Variants in SH3GL3 observed in about 807,000 individuals in gnomAD.
SH3GL3 encodes the protein SH3 domain containing GRB2 like 3, endophilin A3.
SH3GL3 carries 33 observed loss-of-function variants against 47.7 expected under a neutral mutation model. The ratio of observed to expected loss-of-function variants is 0.69; its 90% CI spans 0.52 to 0.92. The LOEUF (loss-of-function observed/expected upper bound fraction) is 0.92. Among genes scored for constraint, SH3GL3 ranks in the 40% least tolerant of loss-of-function variants. The pLI is 0.00. For synonymous variants in SH3GL3, 155 were observed against 148.8 expected, an observed-to-expected ratio of 1.04 and a Z score of -0.30; for missense variants, 363 against 417.8, an observed-to-expected ratio of 0.87 and a Z score of 1.14.
downstream of SH3GL3, among the ~76,000 whole-genome samples, chr15:83,622,594 C>A (rs1309740415): frequency 6.6e-6 from 1 of 152,314 alleles, no homozygotes; most frequent in Non-Finnish European, 1.5e-5. Flanking sequence ...CAGATAGCTG[C>A]CAAGGAGGAG....
intron 1 of SH3GL3, among the ~76,000 whole-genome samples, chr15:83,505,945 G>A (rs1250356884): frequency 1.3e-5 from 2 of 152,040 alleles, no homozygotes; most frequent in Non-Finnish European, 2.9e-5. Context: ...GCCCTTTGTT[G>A]TTATATGCTA....
intron 1 of SH3GL3, among the ~76,000 whole-genome samples, chr15:83,486,610 A>G (rs774911784): frequency 1.3e-5 from 2 of 152,194 alleles, no homozygotes; most frequent in Non-Finnish European, 2.9e-5. Context: ...ATTCCATTGT[A>G]TAAATATACC....
chr15:83,506,460 AGTT>A (rs1355709124), intron 1 of SH3GL3, among the ~76,000 whole-genome samples: 2 of 152,078 alleles, frequency 1.3e-5, no homozygotes, highest in Non-Finnish European at 1.5e-5. Context: ...ACCTACTTGT[AGTT>A]GTTGTGCTCT....
At chr15:83,465,241 C>T (rs2040517101) in intron 1 of SH3GL3, among the ~76,000 whole-genome samples, 1 of 151,804 alleles carries the variant, frequency 6.6e-6, no homozygotes, top group Non-Finnish European at 1.5e-5. Context: ...ACCCAGGAGG[C>T]AGAGGTTGCA....
intron 8 of SH3GL3, among the ~76,000 whole-genome samples, chr15:83,601,647 C>T (rs1468779393): frequency 6.6e-6 from 1 of 151,968 alleles, no homozygotes; most frequent in Non-Finnish European, 1.5e-5. Flanking sequence ...GGATATTGGT[C>T]TGTAGTTTTC....
At chr15:83,602,231 A>G in intron 8 of SH3GL3, among the ~76,000 whole-genome samples, 1 of 152,206 alleles carries the variant, frequency 6.6e-6, no homozygotes, top group East Asian at 1.9e-4. Flanking sequence ...ATGAGCGCTC[A>G]AACAGCCACA....
chr15:83,449,557 G>A (rs569343878), intron 1 of SH3GL3, among the ~76,000 whole-genome samples: 2 of 152,344 alleles, frequency 1.3e-5, no homozygotes, highest in South Asian at 4.1e-4. Context: ...AAGCCCTTGG[G>A]TGATTTAAGT....
intron 1 of SH3GL3, among the ~76,000 whole-genome samples, chr15:83,463,878 C>T (rs2040436630): frequency 2.0e-5 from 3 of 151,080 alleles, no homozygotes; most frequent in African/African-American, 7.3e-5. Flanking sequence ...AAGCGATTCT[C>T]CAGCCTCAGC....
rs2039878769 is a variant in SH3GL3, at chr15:83,453,514, C to A, written c.45+5936C>A. Among the ~76,000 whole-genome samples the A allele has an allele frequency of 1.3e-5, 2 of 149,178 alleles. 1 individual carries two copies. The highest frequency in any genetic ancestry group is 4.3e-4 in the South Asian group (2 of 4,612). On this transcript the variant is annotated intron_variant, in intron 1 of 8. Transcript: ENST00000427482. ...GTTATTGGTCTATTCAGAGATTCAA[C>A]TTCTTCCTGGTTTAGTCTTGGGAGA...
At chr15:83,469,058 T>C (rs913807243) in intron 1 of SH3GL3, among the ~76,000 whole-genome samples, 3 of 152,124 alleles carry the variant, frequency 2.0e-5, no homozygotes, top group African/African-American at 7.2e-5. Flanking sequence ...TGAGTTTTAT[T>C]AGTTTGTGTT....
At chr15:83,597,678 C>T (rs2256992) in intron 8 of SH3GL3, among the ~76,000 whole-genome samples, 18,390 of 151,552 alleles carry the variant, frequency 0.12, 1,505 homozygotes, top group Admixed American at 0.24. Context: ...GGTACGATCT[C>T]GGCTCACTGC....
chr15:83,570,519 AAG>A (rs1679389177), intron 4 of SH3GL3, among the ~76,000 whole-genome samples: 1 of 152,216 alleles, frequency 6.6e-6, no homozygotes, highest in Non-Finnish European at 1.5e-5. Context: ...TTATTTAAAA[AAG>A]TCATTAAATT....
intron 1 of SH3GL3, among the ~76,000 whole-genome samples, chr15:83,475,864 A>G (rs1222779461): frequency 1.3e-5 from 2 of 152,224 alleles, no homozygotes; most frequent in African/African-American, 2.4e-5. Context: ...TAACTCTGGC[A>G]TCTACTTTGT....
At chr15:83,542,126 A>G (rs2044196555) in intron 1 of SH3GL3, among the ~76,000 whole-genome samples, 1 of 152,150 alleles carries the variant, frequency 6.6e-6, no homozygotes, top group South Asian at 2.1e-4. Flanking sequence ...CCTTTAATCC[A>G]TTTTGATTTG....
intron 1 of SH3GL3, among the ~76,000 whole-genome samples, chr15:83,543,320 G>A (rs571898382): frequency 6.6e-6 from 1 of 152,130 alleles, no homozygotes; most frequent in East Asian, 1.9e-4. Flanking sequence ...GCATTCCTGG[G>A]TTGAATCCTA....
At chr15:83,547,051 C>T (rs2044435554) in intron 1 of SH3GL3, among the ~76,000 whole-genome samples, 1 of 152,174 alleles carries the variant, frequency 6.6e-6, no homozygotes, top group South Asian at 2.1e-4. Context: ...GGAAAGTTCT[C>T]TATTAATAAA....
chr15:83,477,334 C>T (rs574780250), intron 1 of SH3GL3, among the ~76,000 whole-genome samples: 1 of 152,290 alleles, frequency 6.6e-6, no homozygotes, highest in Non-Finnish European at 1.5e-5. Flanking sequence ...ATCTTGCCTT[C>T]TCCTTTGCTT....
rs1314212827 is a variant in SH3GL3, at chr15:83,536,118, CTCAGAGGGG to C, written c.46-23130_46-23122del. Among the ~76,000 whole-genome samples the C allele has an allele frequency of 2.6e-5, 4 of 152,324 alleles. No individual in the cohort carries two copies. The East Asian group carries it at 7.7e-4, about 29-fold the overall frequency. ...AGCTACTAATTTCTATGTGTGAGAG[CTCAGAGGGG>C]TCAGCCCCTGTACATATTGGGAACA... On this transcript the variant is annotated intron_variant, in intron 1 of 8. Transcript: ENST00000427482.
intron 1 of SH3GL3, among the ~76,000 whole-genome samples, chr15:83,545,350 AT>A (rs2151709861): frequency 6.6e-6 from 1 of 152,198 alleles, no homozygotes; most frequent in South Asian, 2.1e-4. Context: ...TCCAGAATTT[AT>A]GCTTAGTTCT....
Sources: gnomAD v4.1 joint callset for allele counts (sites outside exome capture counted in the v4.1 genomes callset) on GRCh38, gnomAD v4.1.1 for gene constraint, MANE v1.5 for transcripts, NCBI Gene and HGNC (gene_info 2026-07-23, HGNC 2026-07-21) for gene names.